The following MAML3 variants were observed in gnomAD, a reference collection of about 807,000 sequenced individuals.
The protein encoded by MAML3 is mastermind like transcriptional coactivator 3.
MAML3 carries 27 observed loss-of-function variants against 101.9 expected under a neutral mutation model. That is an observed-to-expected ratio of 0.27 (90% CI 0.20 to 0.37). The LOEUF is 0.37. Among genes scored for constraint, MAML3 ranks in the 10% least tolerant of loss-of-function variants. MAML3 has a pLI of 1.00. For missense variants in MAML3, 1,316 were observed against 1,444.9 expected (o/e 0.91, Z 1.45); for synonymous variants, 501 against 555.9 (o/e 0.90, Z 1.39).
At position 140,078,083 on chromosome 4, in the gene MAML3, C is replaced by G. The variant is rs1031550238; in HGVS notation, c.468+74777G>C. On this transcript the variant is annotated intron_variant, in intron 1 of 4. Transcript: ENST00000509479. ...CAGGTTTTTCTGTTCCCAAACACTT[C>G]TGGAAATGAATCAGTCGCAACAGTC... is the stretch of plus-strand genomic sequence containing the variant. Among the ~76,000 whole-genome samples the G allele has an allele frequency of 2.0e-5, 3 of 151,934 alleles. No homozygotes were observed. In the East Asian group the frequency reaches 5.8e-4, roughly 29 times the overall value.
intron 2 of MAML3, among the ~76,000 whole-genome samples, chr4:139,760,491 C>A (rs1271703967): frequency 6.6e-6 from 1 of 152,120 alleles, no homozygotes; most frequent in African/African-American, 2.4e-5. Context: ...ACTGATGGCA[C>A]CATGTTTAGC....
At chr4:140,037,917 T>C (rs1727015245) in intron 1 of MAML3, among the ~76,000 whole-genome samples, 1 of 152,230 alleles carries the variant, frequency 6.6e-6, no homozygotes, top group South Asian at 2.1e-4. Flanking sequence ...GGTTTGGCTG[T>C]CCATTCCACC....
intron 1 of MAML3, among the ~76,000 whole-genome samples, chr4:140,026,722 A>T (rs1343846906): frequency 6.6e-6 from 1 of 152,170 alleles, no homozygotes; most frequent in Non-Finnish European, 1.5e-5. Flanking sequence ...TTTGCTTTTG[A>T]TCACACTCTA....
At position 139,736,171 on chromosome 4, in the gene MAML3, T is replaced by C. The variant is rs1579376518; in HGVS notation, c.2080-5504A>G. ...AATTGGGTCAAGTAAAAAAAAATTTTTTTTAAAGGAAGGAATCTTTAGCCC... is the reference window on the plus strand; with the variant it reads ...AATTGGGTCAAGTAAAAAAAAATTTCTTTTAAAGGAAGGAATCTTTAGCCC... On this transcript the variant is annotated intron_variant, in intron 2 of 4. Transcript: ENST00000509479. Among the ~76,000 whole-genome samples, 4 of 152,316 alleles carry C rather than the reference T, an allele frequency of 2.6e-5. No individual in the cohort carries two copies. The East Asian group carries it at 5.8e-4, about 22-fold the overall frequency.
In MAML3 at chr4:139,942,614, G is replaced by T. The variant is rs114965496; in HGVS notation, c.469-51647C>A. The stretch of plus-strand genomic sequence containing the variant: ...AAAGATGATTTAAATCAACCTTCAA[G>T]AAGATATAATTTCATTACTTTTTTT... On this transcript the variant is annotated intron_variant, in intron 1 of 4. Transcript: ENST00000509479. Among the ~76,000 whole-genome samples, 578 of 151,806 alleles carry T rather than the reference G, an allele frequency of 3.8e-3. 5 individuals are homozygous for T. Among genetic ancestry groups the T allele is most frequent in the African/African-American group, 0.013 (551 of 41,370 alleles).
chr4:139,979,717 T>C (rs553478024), intron 1 of MAML3, among the ~76,000 whole-genome samples: 41 of 152,286 alleles, frequency 2.7e-4, no homozygotes, highest in African/African-American at 9.4e-4. Flanking sequence ...TTCCTCCCCT[T>C]TAGAAGATGT....
At chr4:140,090,820 G>A (rs1323302515) in intron 1 of MAML3, among the ~76,000 whole-genome samples, 4 of 152,178 alleles carry the variant, frequency 2.6e-5, no homozygotes, top group Non-Finnish European at 5.9e-5. Flanking sequence ...GGAGGCTGAC[G>A]CTGGCAGATA....
chr4:139,837,279 G>A (rs199817249), intron 2 of MAML3, among the ~76,000 whole-genome samples: 7 of 149,842 alleles, frequency 4.7e-5, no homozygotes, highest in East Asian at 4.1e-4. Context: ...GGCGGATCAC[G>A]AGGTCAGGAG....
At chr4:140,035,280 AG>A (rs1189289890) in intron 1 of MAML3, among the ~76,000 whole-genome samples, 1 of 152,124 alleles carries the variant, frequency 6.6e-6, no homozygotes, top group African/African-American at 2.4e-5. Context: ...GGCCAAGCCA[AG>A]GAAATTCTAA....
chr4:140,091,537 C>CAAAAAA lies in MAML3; in HGVS notation c.468+61322_468+61323insTTTTTT, dbSNP rs570700966. The stretch of plus-strand genomic sequence containing the variant: ...TGTAAAACAAAACAAAACAACAAAA[C>CAAAAAA]AAAAACAAAACAAAAAAAAAAAACA... On this transcript the variant is annotated intron_variant, in intron 1 of 4. Transcript: ENST00000509479. Among the ~76,000 whole-genome samples the CAAAAAA allele has an allele frequency of 1.1e-3, 78 of 71,558 alleles. 4 individuals carry two copies. Among genetic ancestry groups the CAAAAAA allele is most frequent in the African/African-American group, 1.6e-3 (33 of 21,274 alleles). The allele number at this position is 71,558 out of a possible 152,430, so 46.9% of individuals were successfully genotyped here. A position where few individuals can be genotyped will look rare whatever the true frequency, so the allele number is the denominator to read the frequency against.
At chr4:139,964,423 A>G (rs1029964844) in intron 1 of MAML3, among the ~76,000 whole-genome samples, 3 of 151,984 alleles carry the variant, frequency 2.0e-5, no homozygotes, top group African/African-American at 4.8e-5. Flanking sequence ...GGAACAACAC[A>G]CACCAGGGCC....
At chr4:139,928,417 T>G (rs1434092896) in intron 1 of MAML3, among the ~76,000 whole-genome samples, 1 of 152,028 alleles carries the variant, frequency 6.6e-6, no homozygotes, top group East Asian at 1.9e-4. Flanking sequence ...AGAAAACATA[T>G]TAAAAGAATA....
At chr4:139,923,041 C>T (rs1052496704) in intron 1 of MAML3, among the ~76,000 whole-genome samples, 1 of 152,176 alleles carries the variant, frequency 6.6e-6, no homozygotes, top group African/African-American at 2.4e-5. Flanking sequence ...GATAGGGTGC[C>T]AGAGGGATAC....
intron 1 of MAML3, among the ~76,000 whole-genome samples, chr4:139,975,874 A>T (rs897212087): frequency 1.3e-5 from 2 of 152,182 alleles, no homozygotes; most frequent in African/African-American, 4.8e-5. Flanking sequence ...GCTGTTAACT[A>T]TCTCAGTGTT....
At chr4:140,088,701 C>A (rs1350878773) in intron 1 of MAML3, among the ~76,000 whole-genome samples, 1 of 152,078 alleles carries the variant, frequency 6.6e-6, no homozygotes, top group Non-Finnish European at 1.5e-5. Flanking sequence ...AGGAGCTCTT[C>A]ACTGGTATCT....
intron 2 of MAML3, among the ~76,000 whole-genome samples, chr4:139,819,876 C>T (rs1319445847): frequency 6.6e-6 from 1 of 152,164 alleles, no homozygotes; most frequent in Non-Finnish European, 1.5e-5. Flanking sequence ...TAGCTGTTTT[C>T]CCATGTGTTG....
chr4:139,777,394 A>T (rs1334669139), intron 2 of MAML3, among the ~76,000 whole-genome samples: 1 of 152,194 alleles, frequency 6.6e-6, no homozygotes, highest in Non-Finnish European at 1.5e-5. Context: ...CCACAAGAAG[A>T]TCTGAATTTG....
At chr4:139,946,515 T>G (rs1334913697) in intron 1 of MAML3, among the ~76,000 whole-genome samples, 1 of 152,116 alleles carries the variant, frequency 6.6e-6, no homozygotes, top group Admixed American at 6.6e-5. Flanking sequence ...AGTCAATAAA[T>G]AACTATACCA....
At chr4:140,104,400 TA>T (rs1225981521) in intron 1 of MAML3, among the ~76,000 whole-genome samples, 1 of 86,368 alleles carries the variant, frequency 1.2e-5, no homozygotes, top group African/African-American at 3.9e-5. Context: ...ATATATTATA[TA>T]ATATATAATA....
Sources: gnomAD v4.1 joint callset for allele counts (sites outside exome capture counted in the v4.1 genomes callset) on GRCh38, gnomAD v4.1.1 for gene constraint, MANE v1.5 for transcripts, NCBI Gene and HGNC (gene_info 2026-07-23, HGNC 2026-07-21) for gene names.